The following PALM2AKAP2 variants were observed in gnomAD, a reference collection of about 807,000 sequenced individuals.
PALM2AKAP2 encodes PALM2-AKAP2 fusion protein.
A neutral mutation model predicts 71.5 loss-of-function variants in PALM2AKAP2; 37 were observed. That is an observed-to-expected ratio of 0.52 (90% CI 0.40 to 0.68). PALM2AKAP2 has a LOEUF of 0.68. Ranked by LOEUF, PALM2AKAP2 falls within the 30% of genes least tolerant of loss-of-function variation. The pLI is 0.00. For synonymous variants in PALM2AKAP2, 468 were observed against 478.8 expected (o/e 0.98, Z 0.29); for missense variants, 1,224 against 1,191.8 (o/e 1.03, Z -0.40).
chr9:109,775,101 C>T (rs1564143015), intron 1 of PALM2AKAP2, among the ~76,000 whole-genome samples: 1 of 152,144 alleles, frequency 6.6e-6, no homozygotes, highest in Non-Finnish European at 1.5e-5. Flanking sequence ...GTCCATACTA[C>T]CACAACAAAA....
At chr9:110,008,130 G>A (rs2132307783) in intron 6 of PALM2AKAP2, among the ~76,000 whole-genome samples, 1 of 152,282 alleles carries the variant, frequency 6.6e-6, no homozygotes, top group South Asian at 2.1e-4. Context: ...CTGGCTCTGG[G>A]GGAATAAAGT....
intron 3 of PALM2AKAP2, among the ~76,000 whole-genome samples, chr9:109,900,871 C>T (rs1234936256): frequency 6.6e-6 from 1 of 152,244 alleles, no homozygotes; most frequent in Non-Finnish European, 1.5e-5. Flanking sequence ...TTCTGGTCTG[C>T]ACCCAGAACC....
intron 1 of PALM2AKAP2, among the ~76,000 whole-genome samples, chr9:109,866,207 C>T (rs1829444432): frequency 6.6e-6 from 1 of 152,098 alleles, no homozygotes; most frequent in Non-Finnish European, 1.5e-5. Context: ...AATCATAGCC[C>T]CGGAAACATA....
intron 1 of PALM2AKAP2, among the ~76,000 whole-genome samples, chr9:110,087,455 C>G (rs1031348505): frequency 1.3e-5 from 2 of 152,176 alleles, no homozygotes; most frequent in Non-Finnish European, 2.9e-5. Flanking sequence ...CTTCCCCAGT[C>G]TATTACAGAA....
intron 1 of PALM2AKAP2, among the ~76,000 whole-genome samples, chr9:109,734,510 C>T (rs1332387076): frequency 6.6e-6 from 1 of 152,150 alleles, no homozygotes; most frequent in Non-Finnish European, 1.5e-5. Flanking sequence ...CTAGTGTCTA[C>T]CACATTGATG....
intron 1 of PALM2AKAP2, among the ~76,000 whole-genome samples, chr9:109,706,395 A>G (rs1239565649): frequency 6.6e-6 from 1 of 152,210 alleles, no homozygotes; most frequent in Non-Finnish European, 1.5e-5. Context: ...TATGAAAGAT[A>G]CAAATAATAA....
At chr9:110,069,258 G>A (rs1834154143) in intron 1 of PALM2AKAP2, among the ~76,000 whole-genome samples, 1 of 152,234 alleles carries the variant, frequency 6.6e-6, no homozygotes, top group Non-Finnish European at 1.5e-5. Flanking sequence ...GTCCGACATG[G>A]CTGGCGCATG....
At chr9:109,836,479 C>T (rs1250118913) in intron 1 of PALM2AKAP2, among the ~76,000 whole-genome samples, 2 of 152,204 alleles carry the variant, frequency 1.3e-5, no homozygotes, top group Non-Finnish European at 2.9e-5. Context: ...TGCCCCTCCT[C>T]CACCAAAGGA....
chr9:109,848,913 C>G (rs1236691217), intron 1 of PALM2AKAP2, among the ~76,000 whole-genome samples: 12 of 150,272 alleles, frequency 8.0e-5, no homozygotes, highest in Non-Finnish European at 1.5e-5. Context: ...GTTGACAGAA[C>G]AAGTTGATTC....
At chr9:109,882,654 T>G (rs1049111458) in intron 3 of PALM2AKAP2, among the ~76,000 whole-genome samples, 2 of 152,246 alleles carry the variant, frequency 1.3e-5, no homozygotes, top group Admixed American at 1.3e-4. Flanking sequence ...GTTTCTTTTT[T>G]TTTTAAGAGA....
chr9:110,085,692 T>C (rs368239625), intron 1 of PALM2AKAP2, among the ~76,000 whole-genome samples: 3 of 152,308 alleles, frequency 2.0e-5, no homozygotes, highest in East Asian at 1.9e-4. Context: ...ATTTGTGAAG[T>C]AAATAAAAAT....
chr9:109,719,440 A>T lies in PALM2AKAP2; in HGVS notation c.6-61048A>T, dbSNP rs79028308. On this transcript the variant is annotated intron_variant, in intron 1 of 6. Coordinates refer to the PALM2AKAP2 transcript ENST00000374531. ...ACTTGTAAATAAGAGATAGTTAGAG[A>T]TAAAGAAGTGGCTCAAGATTTCCCC... Among the ~76,000 whole-genome samples the T allele has an allele frequency of 2.7e-3, 412 of 152,310 alleles. 2 individuals carry two copies. The highest frequency in any genetic ancestry group is 9.5e-3 in the African/African-American group (396 of 41,566).
intron 1 of PALM2AKAP2, among the ~76,000 whole-genome samples, chr9:109,728,269 C>T (rs1363666873): frequency 6.6e-6 from 1 of 152,214 alleles, no homozygotes; most frequent in Non-Finnish European, 1.5e-5. Context: ...ACTTTATATG[C>T]ATTATAGCAT....
Position 109,801,521 on chromosome 9 carries a change from CA to C in PALM2AKAP2, c.45+20995del, listed in dbSNP as rs1827428588. On this transcript the variant is annotated intron_variant, in intron 1 of 9. Coordinates refer to the PALM2AKAP2 transcript ENST00000302798. ...AATTAAAATGTTTTTGTTTTACTTT[CA>C]AAAAAATAAATAGCAAAAAAGCAAG... Among the ~76,000 whole-genome samples, 3 of 152,088 alleles carry C rather than the reference CA, an allele frequency of 2.0e-5. No individual in the cohort carries two copies. The South Asian group carries it at 6.2e-4, about 32-fold the overall frequency.
intron 6 of PALM2AKAP2, chr9:109,943,387 C>A: frequency 6.2e-7 from 1 of 1,610,242 alleles, no homozygotes; most frequent in African/African-American, 1.3e-5. Context: ...CCCAGGTACC[C>A]AAAAGAAAAA....
At chr9:109,835,410 T>C (rs10980075) in intron 1 of PALM2AKAP2, among the ~76,000 whole-genome samples, 16,201 of 151,000 alleles carry the variant, frequency 0.11, 1,292 homozygotes, top group East Asian at 0.39. Context: ...GGTTCCAAGA[T>C]GGCCGAATAG....
chr9:109,745,090 T>C (rs1466798044), intron 1 of PALM2AKAP2, among the ~76,000 whole-genome samples: 1 of 152,218 alleles, frequency 6.6e-6, no homozygotes, highest in Non-Finnish European at 1.5e-5. Context: ...CCTTCCTTTT[T>C]GCTCATTTTC....
exon 2 of PALM2AKAP2, chr9:110,137,754 C>T: frequency 6.2e-7 from 1 of 1,614,154 alleles, no homozygotes; most frequent in Non-Finnish European, 8.5e-7. Flanking sequence ...AGCGGGGCAT[C>T]CAATGAGACA....
chr9:109,645,929 A>G (rs779079076), intron 1 of PALM2AKAP2, among the ~76,000 whole-genome samples: 6 of 152,216 alleles, frequency 3.9e-5, no homozygotes, highest in Non-Finnish European at 7.3e-5. Context: ...CAAAAGGTCT[A>G]TCTTGGAAAA....
Sources: allele counts gnomAD v4.1 joint callset (sites outside exome capture counted in the v4.1 genomes callset), GRCh38; gene constraint gnomAD v4.1.1; transcripts MANE v1.5; gene names NCBI Gene and HGNC (gene_info 2026-07-23, HGNC 2026-07-21).